The following SPTSSB variants were observed in gnomAD, a reference collection of about 807,000 sequenced individuals.
SPTSSB encodes the protein androgen down regulated in mouse prostate.
A neutral mutation model predicts 7.7 loss-of-function variants in SPTSSB; 6 were observed. That is an observed-to-expected ratio of 0.78 (90% CI 0.43 to 1.54). SPTSSB has a LOEUF of 1.54. SPTSSB is among the 40% of genes most tolerant of loss of function. The pLI, the probability that SPTSSB is intolerant of heterozygous loss-of-function variation, is 0.01. For missense variants in SPTSSB, 91 were observed against 93.0 expected (o/e 0.98, Z 0.09); for synonymous variants, 28 against 29.7 (o/e 0.94, Z 0.19).
chr3:161,370,394 G>A (rs1715456326), intron 1 of SPTSSB, among the ~76,000 whole-genome samples: 1 of 152,156 alleles, frequency 6.6e-6, no homozygotes, highest in Non-Finnish European at 1.5e-5. Context: ...ACTACAGCTT[G>A]TTGGTTTTGG....
intron 1 of SPTSSB, among the ~76,000 whole-genome samples, chr3:161,369,557 A>T (rs1715416173): frequency 1.3e-5 from 2 of 150,894 alleles, no homozygotes; most frequent in African/African-American, 4.9e-5. Context: ...GTCTATTCAA[A>T]TTTTTTTGTC....
intron 2 of SPTSSB, among the ~76,000 whole-genome samples, chr3:161,358,770 G>A (rs1714890888): frequency 6.6e-6 from 1 of 152,132 alleles, no homozygotes. Flanking sequence ...AACCTCAATG[G>A]CACCTGTTCT....
intron 2 of SPTSSB, among the ~76,000 whole-genome samples, chr3:161,354,246 T>C (rs894145526): frequency 3.3e-5 from 5 of 152,198 alleles, no homozygotes; most frequent in Admixed American, 6.5e-5. Context: ...AAGGAAAAAG[T>C]CTCACTAACA....
In SPTSSB at chr3:161,369,314, C is replaced by T. The variant is rs781162973; in HGVS notation, c.-126+2121G>A. Among the ~76,000 whole-genome samples, 388 of 65,644 alleles carry T rather than the reference C, an allele frequency of 5.9e-3. 3 individuals are homozygous for T. Among genetic ancestry groups the T allele is most frequent in the African/African-American group, 0.02 (254 of 12,936 alleles). The allele number at this position is 65,644 out of a possible 152,430, so 43.1% of individuals were successfully genotyped here. On this transcript the variant is annotated intron_variant, in intron 1 of 2. Coordinates refer to ENST00000620149, the MANE Select transcript of SPTSSB (RefSeq NM_001040100.2). The stretch of plus-strand genomic sequence containing the variant: ...TCTTTCTTTCTTTCTTTCTTTCTTT[C>T]TCTTTCTTTCTTTCTTTCTTTCTTT...
At chr3:161,363,622 T>TA (rs1715101198) in intron 1 of SPTSSB, among the ~76,000 whole-genome samples, 1 of 152,094 alleles carries the variant, frequency 6.6e-6, no homozygotes. Context: ...TTACCATTTT[T>TA]AAAAAACTTT....
intron 1 of SPTSSB, among the ~76,000 whole-genome samples, chr3:161,369,360 T>TTCTTTCTTTCTTTCTTTCTCTCTCTG (rs1715399517): frequency 7.7e-6 from 1 of 130,408 alleles, no homozygotes; most frequent in African/African-American, 2.9e-5. Context: ...TTCTCTTTCT[T>TTCTTTCTTTCTTTCTTTCTCTCTCTG]TCTCTCTCTG....
At position 161,371,475 on chromosome 3, in the gene SPTSSB, C is replaced by T. The variant is rs62279927; in HGVS notation, c.-166G>A. 8.1e-6 allele frequency: 8 copies of T among 985,344 alleles called. No individual in the cohort carries two copies. The highest frequency in any genetic ancestry group is 8.4e-6 in the Non-Finnish European group (7 of 829,994). 61.0% of individuals were successfully genotyped at this position (985,344 alleles called of 1,614,324 possible). Reference sequence around the variant, plus strand: ...ATCTCCCTGCGGCTTAGGTGAGCGCCGAGGCTTTGGCTCCTCCCCAGCTGC... The same window carrying T: ...ATCTCCCTGCGGCTTAGGTGAGCGCTGAGGCTTTGGCTCCTCCCCAGCTGC... On this transcript the variant is annotated 5_prime_UTR_variant, in exon 1 of 3. Coordinates refer to ENST00000620149, the MANE Select transcript of SPTSSB (RefSeq NM_001040100.2).
intron 2 of SPTSSB, among the ~76,000 whole-genome samples, chr3:161,357,196 A>G (rs777800955): frequency 8.5e-5 from 13 of 152,216 alleles, no homozygotes; most frequent in Non-Finnish European, 1.3e-4. Context: ...AGAAGTTTAT[A>G]GTCAAATTCA....
Position 161,345,754 on chromosome 3 carries a change from A to C in SPTSSB, c.*339T>G, listed in dbSNP as rs1421538642. On this transcript the variant is annotated 3_prime_UTR_variant, in exon 3 of 3. Transcript: ENST00000620149. Reference sequence around the variant, plus strand: ...GTGTCAAGGGAGCACTTTAAGCATGATTCTGGTAGGTCTGTTAGGAGTCTA... The same window carrying C: ...GTGTCAAGGGAGCACTTTAAGCATGCTTCTGGTAGGTCTGTTAGGAGTCTA... 1 of 212,354 alleles carries C rather than the reference A, an allele frequency of 4.7e-6. No homozygotes were observed. The highest frequency in any genetic ancestry group is 2.3e-5 in the African/African-American group (1 of 42,912). 13.2% of individuals were successfully genotyped at this position (212,354 alleles called of 1,614,324 possible).
chr3:161,346,873 C>T (rs141703896), intron 2 of SPTSSB, among the ~76,000 whole-genome samples: 2,467 of 151,984 alleles, frequency 0.016, 65 homozygotes, highest in African/African-American at 0.056. Flanking sequence ...TGAGGGGCCA[C>T]GGAGGGAGAA....
rs965597697 is a variant in SPTSSB, at chr3:161,344,966, C to T, written c.*1127G>A. ...GGAAAAATTTTTTTCATAACACAAA[C>T]AAGGGTGCAAATATTGTCCAAACCT... On this transcript the variant is annotated 3_prime_UTR_variant, in exon 3 of 3. Transcript: ENST00000620149. 6.6e-6 allele frequency: 1 copy of T among 152,438 alleles called. No homozygotes were observed. The highest frequency in any genetic ancestry group is 1.5e-5 in the Non-Finnish European group (1 of 68,008). The allele number at this position is 152,438 out of a possible 1,614,324, so 9.4% of individuals were successfully genotyped here.
At chr3:161,358,662 T>G (rs563841453) in intron 2 of SPTSSB, among the ~76,000 whole-genome samples, 1 of 152,238 alleles carries the variant, frequency 6.6e-6, no homozygotes, top group African/African-American at 2.4e-5. Context: ...TGACTTTTAT[T>G]GGTTACTAAA....
intron 2 of SPTSSB, among the ~76,000 whole-genome samples, chr3:161,357,844 C>T (rs183606086): frequency 6.6e-6 from 1 of 152,120 alleles, no homozygotes; most frequent in Non-Finnish European, 1.5e-5. Flanking sequence ...CCCTAGAGCC[C>T]TTGGAGGAAG....
At chr3:161,369,491 T>C (rs1715413224) in intron 1 of SPTSSB, among the ~76,000 whole-genome samples, 1 of 148,032 alleles carries the variant, frequency 6.8e-6, no homozygotes. Flanking sequence ...CACTAATGGC[T>C]AGTAAACACC....
At chr3:161,362,964 T>A (rs1715068714) in intron 1 of SPTSSB, among the ~76,000 whole-genome samples, 1 of 151,922 alleles carries the variant, frequency 6.6e-6, no homozygotes, top group South Asian at 2.1e-4. Flanking sequence ...AATATATATA[T>A]TTATATCCAC....
At chr3:161,361,562 A>G (rs1246404256) in intron 1 of SPTSSB, among the ~76,000 whole-genome samples, 1 of 152,318 alleles carries the variant, frequency 6.6e-6, no homozygotes, top group East Asian at 1.9e-4. Context: ...CTCTTTGAAC[A>G]TTAGTTATGC....
intron 1 of SPTSSB, among the ~76,000 whole-genome samples, chr3:161,364,714 ACTT>A (rs1288595159): frequency 1.3e-5 from 2 of 151,864 alleles, no homozygotes; most frequent in African/African-American, 4.8e-5. Context: ...TTTATTTTCT[ACTT>A]CTTCATCAGT....
chr3:161,371,386 C>A (rs541468349), intron 1 of SPTSSB, 49 bp downstream of exon 1: 1 of 980,838 alleles, frequency 1.0e-6, no homozygotes, highest in East Asian at 1.1e-4. Flanking sequence ...GAATTCTATC[C>A]TACTAAAGCT....
intron 2 of SPTSSB, among the ~76,000 whole-genome samples, chr3:161,350,421 ACAT>A (rs1714475299): frequency 6.6e-6 from 1 of 152,218 alleles, no homozygotes; most frequent in Admixed American, 6.5e-5. Context: ...TACTTCTAGA[ACAT>A]CAGAATCAGG....
Sources: allele counts gnomAD v4.1 joint callset (sites outside exome capture counted in the v4.1 genomes callset), GRCh38; gene constraint gnomAD v4.1.1; transcripts MANE v1.5; gene names NCBI Gene and HGNC (gene_info 2026-07-23, HGNC 2026-07-21).